Variants in ZNF365 observed in about 807,000 individuals in gnomAD.
The protein encoded by ZNF365 is protein ZNF365.
ZNF365 carries 22 observed loss-of-function variants against 35.0 expected under a neutral mutation model. The observed-to-expected ratio is 0.63, with a 90% confidence interval of 0.45 to 0.90. The LOEUF is 0.90. Among genes scored for constraint, ZNF365 ranks in the 40% least tolerant of loss-of-function variants. The pLI, the probability that ZNF365 is intolerant of heterozygous loss-of-function variation, is 0.00. For missense variants in ZNF365, 448 were observed against 500.3 expected (o/e 0.90, Z 1.00); for synonymous variants, 188 against 196.2 (o/e 0.96, Z 0.35).
intron 3 of ZNF365, among the ~76,000 whole-genome samples, chr10:62,443,382 G>C (rs146805920): frequency 2.0e-5 from 3 of 152,220 alleles, no homozygotes; most frequent in Non-Finnish European, 4.4e-5. Context: ...TGCCCCAGTT[G>C]GTCAGTGACC....
chr10:62,456,941 T>C (rs975084412), intron 3 of ZNF365, among the ~76,000 whole-genome samples: 4 of 152,180 alleles, frequency 2.6e-5, no homozygotes, highest in Admixed American at 6.5e-5. Flanking sequence ...TAGATTGGGC[T>C]TGTTGGGGGT....
In ZNF365 at chr10:62,479,254, G is replaced by A. The variant is rs140038253; in HGVS notation, c.982-622G>A. Among the ~76,000 whole-genome samples, 920 of 152,218 alleles carry A rather than the reference G, an allele frequency of 6.0e-3. 9 individuals carry two copies. Among genetic ancestry groups the A allele is most frequent in the Non-Finnish European group, 7.9e-3 (537 of 68,018 alleles). On this transcript the variant is annotated intron_variant, in intron 4 of 4. Coordinates refer to the ZNF365 transcript ENST00000395255. ...AAAGACATATCCATATTCCTCCCAC[G>A]TAGAAGAAAACCAGAACATTTTATA...
At chr10:62,427,688 C>T (rs527552101) in intron 3 of ZNF365, among the ~76,000 whole-genome samples, 8 of 152,182 alleles carry the variant, frequency 5.3e-5, no homozygotes, top group Admixed American at 3.3e-4. Context: ...CACGGTGTTA[C>T]CCTGGAGGAA....
intron 3 of ZNF365, among the ~76,000 whole-genome samples, chr10:62,408,334 T>A (rs1365515263): frequency 6.6e-6 from 1 of 152,174 alleles, no homozygotes; most frequent in Admixed American, 6.5e-5. Flanking sequence ...ATCATTAAGT[T>A]ACATTAAACA....
chr10:62,469,252 C>CCATGACAATGTTTCTACTCATTCCTCT (rs1840994231), intron 4 of ZNF365, among the ~76,000 whole-genome samples: 1 of 152,196 alleles, frequency 6.6e-6, no homozygotes, highest in Admixed American at 6.5e-5. Flanking sequence ...TCCCTCTCCA[C>CCATGACAATGTTTCTACTCATTCCTCT]CATGACAATG....
At chr10:62,434,294 T>A (rs1840375648) in intron 3 of ZNF365, among the ~76,000 whole-genome samples, 1 of 152,108 alleles carries the variant, frequency 6.6e-6, no homozygotes, top group Admixed American at 6.5e-5. Context: ...TTTTTCTCCC[T>A]GTAAATTGGA....
chr10:62,430,253 GTTTT>G (rs34778344), intron 3 of ZNF365, among the ~76,000 whole-genome samples: 29 of 101,876 alleles, frequency 2.8e-4, no homozygotes, highest in East Asian at 5.8e-4. Flanking sequence ...TTTGGAAAAG[GTTTT>G]TTTTTTTTTT....
At position 62,401,369 on chromosome 10, in the gene ZNF365, A is replaced by G; in HGVS notation, c.*1580A>G. The G allele has an allele frequency of 1.0e-6, 1 of 985,518 alleles. No individual in the cohort carries two copies. The highest frequency in any genetic ancestry group is 4.7e-5 in the South Asian group (1 of 21,282). 61.0% of individuals were successfully genotyped at this position (985,518 alleles called of 1,614,324 possible). A position where few individuals can be genotyped will look rare whatever the true frequency, so the allele number is the denominator to read the frequency against. On this transcript the variant is annotated 3_prime_UTR_variant, in exon 5 of 5. Transcript: ENST00000395254. ...AATTAGCAGCGCATTAAAAATAGGA[A>G]ATAAAGCAGTTGCTTAAAATGCCAG...
At chr10:62,480,270 A>G in exon 5 of ZNF365, 1 of 999,426 alleles carries the variant, frequency 1.0e-6, no homozygotes, top group South Asian at 4.7e-5. Flanking sequence ...TTAAATAAAA[A>G]ATAGTTATTG....
chr10:62,468,987 C>CT (rs1840989040), intron 4 of ZNF365, among the ~76,000 whole-genome samples: 1 of 152,172 alleles, frequency 6.6e-6, no homozygotes, highest in African/African-American at 2.4e-5. Context: ...GAAACATAGC[C>CT]TTACCAGTAT....
chr10:62,479,013 C>A (rs1403931311), intron 4 of ZNF365, among the ~76,000 whole-genome samples: 1 of 152,198 alleles, frequency 6.6e-6, no homozygotes, highest in Non-Finnish European at 1.5e-5. Context: ...TTGAAATATG[C>A]CTCTCTAGAC....
intron 4 of ZNF365, among the ~76,000 whole-genome samples, chr10:62,473,290 G>A (rs1276650851): frequency 1.3e-5 from 2 of 152,168 alleles, no homozygotes; most frequent in Non-Finnish European, 2.9e-5. Context: ...GGTAGAGCAA[G>A]GAGACAGTAA....
At chr10:62,460,220 C>A in intron 4 of ZNF365, among the ~76,000 whole-genome samples, 1 of 151,970 alleles carries the variant, frequency 6.6e-6, no homozygotes, top group Non-Finnish European at 1.5e-5. Flanking sequence ...GACAATAAGT[C>A]AAAAAATAAT....
intron 4 of ZNF365, among the ~76,000 whole-genome samples, chr10:62,470,060 A>G (rs1841009065): frequency 6.6e-6 from 1 of 152,226 alleles, no homozygotes; most frequent in African/African-American, 2.4e-5. Context: ...AGTATAAATA[A>G]CAATGTGATG....
chr10:62,430,253 G>GT lies in ZNF365; in HGVS notation c.925-29467dup, dbSNP rs34778344. ...AGACCTAAAATTGCTTTTGGAAAAGGTTTTTTTTTTTTTTTTTTTTTGGTT... is the reference window on the plus strand; with the variant it reads ...AGACCTAAAATTGCTTTTGGAAAAGGTTTTTTTTTTTTTTTTTTTTTTGGTT... On this transcript the variant is annotated intron_variant, in intron 3 of 4. Coordinates refer to the ZNF365 transcript ENST00000395255. 2.3e-3 allele frequency among the ~76,000 whole-genome samples: 236 copies of GT among 101,864 alleles called. 1 individual carries two copies. Among genetic ancestry groups the GT allele is most frequent in the African/African-American group, 8.3e-3 (219 of 26,480 alleles). 66.8% of individuals were successfully genotyped at this position (101,864 alleles called of 152,430 possible). A position where few individuals can be genotyped will look rare whatever the true frequency, so the allele number is the denominator to read the frequency against.
intron 3 of ZNF365, among the ~76,000 whole-genome samples, chr10:62,458,416 G>T (rs1159527750): frequency 6.6e-6 from 1 of 151,558 alleles, no homozygotes; most frequent in Non-Finnish European, 1.5e-5. Context: ...CTCTTCAGCA[G>T]AATTTTGAAA....
intron 3 of ZNF365, among the ~76,000 whole-genome samples, chr10:62,455,502 A>G (rs767703632): frequency 6.6e-6 from 1 of 152,178 alleles, no homozygotes; most frequent in Admixed American, 6.5e-5. Context: ...AAATGAAAGC[A>G]TCTATAATCC....
downstream of ZNF365, among the ~76,000 whole-genome samples, chr10:62,404,296 C>T (rs1839873655): frequency 2.0e-5 from 3 of 152,160 alleles, no homozygotes; most frequent in African/African-American, 7.2e-5. Context: ...TATTGCTGCC[C>T]TTAAGTATCT....
chr10:62,379,389 A>C (rs1421129590), intron 2 of ZNF365, among the ~76,000 whole-genome samples: 1 of 152,212 alleles, frequency 6.6e-6, no homozygotes, highest in Non-Finnish European at 1.5e-5. Flanking sequence ...TAAAAAAAGA[A>C]AACAAAGTGT....
Sources: allele counts gnomAD v4.1 joint callset (sites outside exome capture counted in the v4.1 genomes callset), GRCh38; gene constraint gnomAD v4.1.1; transcripts MANE v1.5; gene names NCBI Gene and HGNC (gene_info 2026-07-23, HGNC 2026-07-21).